OTOGL: variants seen among roughly 807,000 people sequenced by gnomAD.
The protein encoded by OTOGL is otogelin-like protein.
In OTOGL, 285 loss-of-function variants were observed where a neutral mutation model predicts 318.5. The observed-to-expected ratio is 0.89, with a 90% CI of 0.81 to 0.99. The LOEUF (loss-of-function observed/expected upper bound fraction) is 0.99. Among genes scored for constraint, OTOGL ranks in the 50% least tolerant of loss-of-function variants. The probability of loss-of-function intolerance (pLI) is 0.00; values close to 1 mark genes in which losing one functional copy is unlikely to be tolerated. For synonymous variants in OTOGL, 987 were observed against 936.5 expected (o/e 1.05, Z -0.99); for missense variants, 2,899 against 2,845.6 (o/e 1.02, Z -0.43).
At chr12:80,128,971 T>C (rs766512520) in intron 1 of OTOGL, among the ~76,000 whole-genome samples, 68 of 152,196 alleles carry the variant, frequency 4.5e-4, no homozygotes, top group Non-Finnish European at 8.4e-4. Flanking sequence ...GGGAATTCCC[T>C]GACCCCTTGT....
At chr12:80,356,306 C>T (rs1283381381) in intron 47 of OTOGL, 110 bp from the exon 48 acceptor site, 8 of 788,404 alleles carry the variant, frequency 1.0e-5, no homozygotes, top group Non-Finnish European at 1.6e-5. Flanking sequence ...TAATGAGAGT[C>T]ATTTCCCGTC....
chr12:80,374,490 C>A (rs931063977), intron 57 of OTOGL, among the ~76,000 whole-genome samples: 1 of 152,088 alleles, frequency 6.6e-6, no homozygotes, highest in Non-Finnish European at 1.5e-5. Context: ...ATTAGATACA[C>A]ACTGATTAAA....
In OTOGL at chr12:80,279,084, C is replaced by G; in HGVS notation, c.2846C>G (p.Thr949Arg). Reference sequence around the variant, plus strand: ...TATTATCCATGCCCAGCAGTGTGCACAATATACGGGGACCGACATTATTAT... The same window carrying G: ...TATTATCCATGCCCAGCAGTGTGCAGAATATACGGGGACCGACATTATTAT... ...CTYYPCPAVC[T>R]IYGDRHYYSF... Residue 949 changes from threonine to arginine, a missense_variant, in exon 26 of 59, where the codon ACA becomes AGA. Thr to Arg is a moderately conservative substitution (Grantham distance 71, BLOSUM62 -1). Around this residue, in one of 3 missense-constraint regions of OTOGL, gnomAD observed 2,607 missense variants for 2,524.9 expected, o/e 1.03. Transcript: ENST00000547103. 6.3e-7 allele frequency: 1 copy of G among 1,594,078 alleles called. No homozygotes were observed. The highest frequency in any genetic ancestry group is 8.5e-7 in the Non-Finnish European group (1 of 1,175,800).
At chr12:80,225,193 G>T (rs1878716764) in intron 7 of OTOGL, among the ~76,000 whole-genome samples, 1 of 152,044 alleles carries the variant, frequency 6.6e-6, no homozygotes. Context: ...TGCATCTTCT[G>T]TGCTTGCAGG....
chr12:80,122,479 G>A lies in OTOGL; in HGVS notation c.-20+22874G>A, dbSNP rs529877365. ...AGATACTTTGTATCATTAATTATTAGTATTATTATAGAAATGAAGAGGAAA... is the reference window on the plus strand; with the variant it reads ...AGATACTTTGTATCATTAATTATTAATATTATTATAGAAATGAAGAGGAAA... On this transcript the variant is annotated intron_variant, in intron 1 of 58. Coordinates refer to ENST00000547103, the MANE Select transcript of OTOGL (RefSeq NM_001378609.3). Among the ~76,000 whole-genome samples, 3 of 152,270 alleles carry A rather than the reference G, an allele frequency of 2.0e-5. No individual in the cohort carries two copies. The South Asian group carries it at 6.2e-4, about 32-fold the overall frequency.
intron 1 of OTOGL, among the ~76,000 whole-genome samples, chr12:80,206,458 C>T (rs932276779): frequency 4.6e-5 from 7 of 152,124 alleles, no homozygotes; most frequent in African/African-American, 1.7e-4. Flanking sequence ...CCAAAGCTTG[C>T]TCTATCTATA....
At chr12:80,194,844 A>G (rs1875943554) in intron 1 of OTOGL, among the ~76,000 whole-genome samples, 1 of 152,200 alleles carries the variant, frequency 6.6e-6, no homozygotes, top group Non-Finnish European at 1.5e-5. Context: ...ACCAAACTGG[A>G]AACATTGTAC....
intron 1 of OTOGL, among the ~76,000 whole-genome samples, chr12:80,127,198 T>C (rs1870906960): frequency 6.6e-6 from 1 of 152,210 alleles, no homozygotes; most frequent in Non-Finnish European, 1.5e-5. Flanking sequence ...CCTTTCCATG[T>C]TTAGTGCTTC....
In OTOGL at chr12:80,302,646, T is replaced by G; in HGVS notation, c.3076T>G (p.Phe1026Val). 7.3e-7 allele frequency: 1 copy of G among 1,374,658 alleles called. No homozygotes were observed. Among genetic ancestry groups the G allele is most frequent in the East Asian group, 2.7e-5 (1 of 37,626 alleles). The allele number at this position is 1,374,658 out of a possible 1,614,324, so 85.2% of individuals were successfully genotyped here. ...TTTTGTTTTTAAGAAACAATCAGGT[T>G]TTTTTCTGGAAAACAAATCTACCTA... ...DTPYKQKQSGFFLENKSTYQL... is the reference protein window; with the variant it reads ...DTPYKQKQSGVFLENKSTYQL... Residue 1026 changes from phenylalanine (F) to valine (V), a missense_variant, in exon 28 of 59, where the codon TTT (phenylalanine) becomes GTT (valine). By Grantham distance (50) the Phe-to-Val change is conservative. Around this residue, in one of 3 missense-constraint regions of OTOGL, gnomAD observed 2,607 missense variants for 2,524.9 expected, o/e 1.03. Transcript: ENST00000547103.
At chr12:80,174,717 C>T (rs1042406694) in intron 1 of OTOGL, among the ~76,000 whole-genome samples, 1 of 152,116 alleles carries the variant, frequency 6.6e-6, no homozygotes, top group Admixed American at 6.5e-5. Context: ...ATCTAATCAT[C>T]TTTCCAAAAT....
intron 1 of OTOGL, among the ~76,000 whole-genome samples, chr12:80,111,908 C>T (rs1454623086): frequency 1.3e-5 from 2 of 152,082 alleles, no homozygotes; most frequent in African/African-American, 4.8e-5. Context: ...TTGTTTGTGT[C>T]CTCTCTTATT....
chr12:80,194,431 C>G (rs192918525), intron 1 of OTOGL, among the ~76,000 whole-genome samples: 3 of 152,228 alleles, frequency 2.0e-5, no homozygotes, highest in African/African-American at 7.2e-5. Context: ...CTTCTAATTG[C>G]AAATTTAAAT....
At chr12:80,346,584 C>A (rs541579833) in intron 44 of OTOGL, among the ~76,000 whole-genome samples, 9 of 152,274 alleles carry the variant, frequency 5.9e-5, no homozygotes, top group Admixed American at 1.3e-4. Context: ...GTATAAGAAC[C>A]TTTCAGTGTC....
At position 80,350,623 on chromosome 12, in the gene OTOGL, T is replaced by A. The variant is rs192967660; in HGVS notation, c.5266-1672T>A. The stretch of plus-strand genomic sequence containing the variant: ...TAACGAGTGGGAGGAAATATCACAT[T>A]GTGGTTTTAATTTGTACTTTTCTGA... On this transcript the variant is annotated intron_variant, in intron 44 of 58. Transcript: ENST00000547103. Among the ~76,000 whole-genome samples the A allele has an allele frequency of 9.5e-4, 144 of 152,326 alleles. 1 individual carries two copies. The highest frequency in any genetic ancestry group is 3.4e-3 in the African/African-American group (141 of 41,572).
rs374279932 is a variant in OTOGL, at chr12:80,257,917, A to C, written c.1804A>C (p.Ile602Leu). Residue 602 changes from isoleucine (I) to leucine (L), a missense_variant, in exon 18 of 59, where the codon ATT (isoleucine) becomes CTT (leucine). Physicochemically the swap from Ile to Leu is conservative, Grantham distance 5. Around this residue, in one of 3 missense-constraint regions of OTOGL, gnomAD observed 2,607 missense variants for 2,524.9 expected, o/e 1.03. Transcript: ENST00000547103. ...KILFAIDGER[I>L]YIQLTSAWKR... The stretch of plus-strand genomic sequence containing the variant: ...TCTGTTTGCTATAGATGGGGAAAGA[A>C]TTTATATTCAGCTTACTAGCGCATG... 1.3e-6 allele frequency: 2 copies of C among 1,598,250 alleles called. No individual in the cohort carries two copies. Among genetic ancestry groups the C allele is most frequent in the Non-Finnish European group, 8.5e-7 (1 of 1,179,164 alleles).
chr12:80,317,870 T>C (rs953255618), intron 32 of OTOGL, among the ~76,000 whole-genome samples: 2 of 152,150 alleles, frequency 1.3e-5, no homozygotes, highest in African/African-American at 4.8e-5. Context: ...TCCACCTTGA[T>C]GTGGGGGCAA....
chr12:80,260,285 A>G (rs1237626043), intron 18 of OTOGL, among the ~76,000 whole-genome samples: 1 of 152,096 alleles, frequency 6.6e-6, no homozygotes, highest in Non-Finnish European at 1.5e-5. Context: ...ATTTATTTGT[A>G]GGTCAAAATA....
At chr12:80,309,699 G>A (rs1037334) in intron 29 of OTOGL, among the ~76,000 whole-genome samples, 83,961 of 152,060 alleles carry the variant, frequency 0.55, 26,273 homozygotes, top group East Asian at 0.89. Context: ...GTGGATACTG[G>A]TGTTCCTTCC....
At chr12:80,203,050 T>C (rs1031281775) in intron 1 of OTOGL, among the ~76,000 whole-genome samples, 4 of 152,222 alleles carry the variant, frequency 2.6e-5, no homozygotes, top group East Asian at 1.9e-4. Context: ...TAATATGTTA[T>C]TTTGCTTAGC....
Sources: allele counts gnomAD v4.1 joint callset (sites outside exome capture counted in the v4.1 genomes callset), GRCh38; gene constraint gnomAD v4.1.1; regional missense constraint gnomAD v4.1.1; transcripts MANE v1.5; gene names NCBI Gene and HGNC (gene_info 2026-07-23, HGNC 2026-07-21).